Variants in RAB19 observed in about 807,000 individuals in gnomAD.
RAB19 encodes RAB19, member RAS oncogene family, also known as ras-related protein Rab-19.
A neutral mutation model predicts 17.3 loss-of-function variants in RAB19; 21 were observed. The ratio of observed to expected loss-of-function variants is 1.21; its 90% CI spans 0.86 to 1.74. RAB19 has a LOEUF of 1.74. Ranked by LOEUF, RAB19 falls within the 40% of genes most tolerant of loss-of-function variation. RAB19 has a pLI of 0.00. For synonymous variants in RAB19, 126 were observed against 110.4 expected (o/e 1.14, Z -0.88); for missense variants, 277 against 286.8 (o/e 0.97, Z 0.25).
intron 3 of RAB19, among the ~76,000 whole-genome samples, chr7:140,422,764 CT>C (rs1020566492): frequency 9.2e-5 from 14 of 152,102 alleles, no homozygotes; most frequent in African/African-American, 3.4e-4. Context: ...TATGATCATG[CT>C]ACTGCACTCC....
chr7:140,413,184 T>C (rs925096333), intron 3 of RAB19, among the ~76,000 whole-genome samples: 2 of 152,308 alleles, frequency 1.3e-5, no homozygotes, highest in Admixed American at 6.5e-5. Flanking sequence ...CGAAAATGAC[T>C]TTACTGTAGA....
intron 3 of RAB19, among the ~76,000 whole-genome samples, chr7:140,425,232 G>C (rs1203824894): frequency 6.6e-6 from 1 of 152,134 alleles, no homozygotes; most frequent in Non-Finnish European, 1.5e-5. Flanking sequence ...GTTGCAGTGA[G>C]CTAAGACTGC....
chr7:140,414,713 C>G (rs1036028589), intron 3 of RAB19, among the ~76,000 whole-genome samples: 3 of 152,182 alleles, frequency 2.0e-5, no homozygotes, highest in African/African-American at 7.2e-5. Context: ...TGTTGTCCCT[C>G]ACGGAAGTGT....
At chr7:140,424,619 C>CTCTCTA (rs1417797554) in intron 3 of RAB19, among the ~76,000 whole-genome samples, 16 of 87,888 alleles carry the variant, frequency 1.8e-4, no homozygotes, top group Non-Finnish European at 2.3e-4. Context: ...CTCTCTCTCT[C>CTCTCTA]TATATATATA....
chr7:140,405,088 G>GT (rs1799211453), intron 1 of RAB19, among the ~76,000 whole-genome samples: 1 of 152,092 alleles, frequency 6.6e-6, no homozygotes, highest in Admixed American at 6.6e-5. Context: ...TAAGTTTCAG[G>GT]TAGGTGACTT....
At chr7:140,411,681 A>T in intron 2 of RAB19, 193 bp from the exon 3 acceptor site, 3 of 1,346,228 alleles carry the variant, frequency 2.2e-6, no homozygotes, top group Non-Finnish European at 3.0e-6. Context: ...GTCGTTCCCC[A>T]ACCAAGGAGG....
intron 1 of RAB19, among the ~76,000 whole-genome samples, chr7:140,405,861 T>C (rs1391652721): frequency 6.6e-6 from 1 of 151,966 alleles, no homozygotes; most frequent in Non-Finnish European, 1.5e-5. Flanking sequence ...TTAGCAAGTC[T>C]GGGATGAGCT....
intron 2 of RAB19, chr7:140,410,907 A>G: frequency 7.3e-7 from 1 of 1,364,524 alleles, no homozygotes; most frequent in Non-Finnish European, 9.8e-7. Context: ...TTGGGTGGCT[A>G]ATTTGGGAGG....
chr7:140,424,020 AT>A (rs1346390157), intron 3 of RAB19, among the ~76,000 whole-genome samples: 1 of 150,790 alleles, frequency 6.6e-6, no homozygotes, highest in African/African-American at 2.4e-5. Flanking sequence ...TACCCAGCTA[AT>A]TTTTTGTGTT....
chr7:140,412,401 G>A (rs912091140), intron 3 of RAB19, among the ~76,000 whole-genome samples: 10 of 152,076 alleles, frequency 6.6e-5, no homozygotes, highest in African/African-American at 2.2e-4. Flanking sequence ...GCAGTGAGCC[G>A]AGATTGTGCC....
chr7:140,407,451 C>A, intron 1 of RAB19, 173 bp from the exon 2 acceptor site: 2 of 573,270 alleles, frequency 3.5e-6, no homozygotes, highest in South Asian at 2.0e-5. Context: ...AAAGTAAGAT[C>A]AACACACGTA....
intron 1 of RAB19, among the ~76,000 whole-genome samples, chr7:140,405,962 G>T (rs1799232281): frequency 6.6e-6 from 1 of 151,974 alleles, no homozygotes; most frequent in African/African-American, 2.4e-5. Context: ...TTATTTTCCA[G>T]CCGGGCATGG....
chr7:140,426,102 C>T lies in RAB19; in HGVS notation c.606C>T (p.Pro202=), dbSNP rs1224394286. ...ACGGCCTCCCCCTGGACTCCAGCCC[C>T]GTTCTTATGGCCCAGGGTCCAAGTG... ...ALNGLPLDSS[P]VLMAQGPSEK... The change falls in exon 4 of 4, where the codon CCC becomes CCT. Residue 202 remains proline (P), a synonymous_variant. Transcript: ENST00000537763. The T allele has an allele frequency of 6.8e-6, 11 of 1,614,050 alleles. No homozygotes were observed. The highest frequency in any genetic ancestry group is 2.2e-5 in the East Asian group (1 of 44,888).
At chr7:140,416,118 A>G (rs1432415343) in intron 3 of RAB19, among the ~76,000 whole-genome samples, 1 of 152,134 alleles carries the variant, frequency 6.6e-6, no homozygotes, top group Admixed American at 6.5e-5. Context: ...CAAGGCGGGC[A>G]GATCACCTGA....
intron 3 of RAB19, among the ~76,000 whole-genome samples, chr7:140,414,315 T>C (rs1427410591): frequency 6.6e-6 from 1 of 152,132 alleles, no homozygotes; most frequent in African/African-American, 2.4e-5. Context: ...GTGCTGGGAT[T>C]ACAGGCATGA....
chr7:140,422,447 A>G (rs1261599564), intron 3 of RAB19, among the ~76,000 whole-genome samples: 1 of 151,902 alleles, frequency 6.6e-6, no homozygotes, highest in East Asian at 1.9e-4. Context: ...TAGAGTACAC[A>G]TTTATACATG....
chr7:140,407,526 T>C, intron 1 of RAB19, 98 bp from the exon 2 acceptor site: 1 of 810,858 alleles, frequency 1.2e-6, no homozygotes, highest in Non-Finnish European at 2.0e-6. Flanking sequence ...CATCGTCCTC[T>C]CACAAGGATG....
At chr7:140,406,081 A>G (rs1799235193) in intron 1 of RAB19, among the ~76,000 whole-genome samples, 1 of 151,966 alleles carries the variant, frequency 6.6e-6, no homozygotes, top group East Asian at 1.9e-4. Context: ...TGTATCGACT[A>G]AAAATACAAA....
intron 2 of RAB19, 21 bp from the exon 3 acceptor site, chr7:140,411,853 C>G (rs1018448290): frequency 1.2e-6 from 2 of 1,613,986 alleles, no homozygotes; most frequent in Non-Finnish European, 1.7e-6. Context: ...GATTTGGACT[C>G]TCCTTCCTGT....
Sources: gnomAD v4.1 joint callset for allele counts (sites outside exome capture counted in the v4.1 genomes callset) on GRCh38, gnomAD v4.1.1 for gene constraint, MANE v1.5 for transcripts, NCBI Gene and HGNC (gene_info 2026-07-23, HGNC 2026-07-21) for gene names.